POGZ: variants seen among roughly 807,000 people sequenced by gnomAD.
POGZ encodes the protein pogo transposable element with ZNF domain.
A neutral mutation model predicts 134.6 loss-of-function variants in POGZ; 17 were observed. The observed-to-expected ratio is 0.13, with a 90% CI of 0.09 to 0.19. The LOEUF (loss-of-function observed/expected upper bound fraction) is 0.19, where lower values mean the gene tolerates loss of function less well. Among genes scored for constraint, POGZ ranks in the 10% least tolerant of loss-of-function variants. The probability of loss-of-function intolerance (pLI) is 1.00; values close to 1 mark genes in which losing one functional copy is unlikely to be tolerated. For synonymous variants in POGZ, 693 were observed against 657.1 expected, an observed-to-expected ratio of 1.05 and a Z score of -0.84; for missense variants, 1,306 against 1,769.7, an observed-to-expected ratio of 0.74 and a Z score of 4.70.
chr1:151,430,931 T>G (rs1313721165), intron 3 of POGZ, 90 bp from the exon 4 acceptor site: 1 of 671,952 alleles, frequency 1.5e-6, no homozygotes, highest in African/African-American at 2.0e-5. Flanking sequence ...TTATTTTATT[T>G]TATTTTATTT....
Position 151,427,813 on chromosome 1 carries a change from G to A in POGZ, c.1078+10C>T, listed in dbSNP as rs377035291. The A allele has an allele frequency of 2.4e-4, 386 of 1,581,636 alleles. No individual in the cohort carries two copies. The highest frequency in any genetic ancestry group is 3.1e-4 in the Non-Finnish European group (357 of 1,150,904). ...TGACTGGCTGCTCAGAGTCTTTCAGGTTATTGTACCTTTCATTGAAGACTC... is the reference window on the plus strand; with the variant it reads ...TGACTGGCTGCTCAGAGTCTTTCAGATTATTGTACCTTTCATTGAAGACTC... On this transcript the variant is annotated intron_variant, in intron 7 of 18. Coordinates refer to ENST00000271715, the MANE Select transcript of POGZ (RefSeq NM_015100.4).
intron 12 of POGZ, 34 bp downstream of exon 12, chr1:151,411,591 C>G (rs777940490): frequency 7.8e-7 from 1 of 1,286,238 alleles, no homozygotes; most frequent in East Asian, 2.5e-5. Context: ...AAAAAAAAAA[C>G]AAGAGAATAT....
At chr1:151,443,202 A>C (rs2102376234) in intron 1 of POGZ, among the ~76,000 whole-genome samples, 1 of 152,246 alleles carries the variant, frequency 6.6e-6, no homozygotes, top group South Asian at 2.1e-4. Context: ...TGATGCATTA[A>C]AATGCATTTA....
In POGZ at chr1:151,425,058, G is replaced by C; in HGVS notation, c.1082C>G (p.Thr361Ser). Residue 361 changes from threonine (T) to serine (S), a missense_variant, in exon 8 of 19, where the codon ACC (threonine) becomes AGC (serine). This residue lies in a region of POGZ where 541 missense variants were observed against 680.5 expected (regional missense o/e 0.80). Transcript: ENST00000271715. The part of the protein sequence containing the change: ...TSGPESSMKV[T>S]SSIPVFDLQD... ...GAGGTCAAATACTGGGATGGAAGAG[G>C]TCACTGAAAGAAGTGAGAAGAATTG... is the stretch of plus-strand genomic sequence containing the variant. The C allele has an allele frequency of 6.7e-7, 1 of 1,494,660 alleles. No individual in the cohort carries two copies. The highest frequency in any genetic ancestry group is 9.3e-7 in the Non-Finnish European group (1 of 1,078,316). The allele number at this position is 1,494,660 out of a possible 1,614,324, so 92.6% of individuals were successfully genotyped here.
intron 10 of POGZ, among the ~76,000 whole-genome samples, chr1:151,422,780 T>C (rs1657142141): frequency 6.6e-6 from 1 of 152,172 alleles, no homozygotes; most frequent in African/African-American, 2.4e-5. Context: ...TTAGTAGAGA[T>C]GGGGCTTCGC....
At chr1:151,457,873 G>A (rs1662959141) in intron 1 of POGZ, among the ~76,000 whole-genome samples, 1 of 151,322 alleles carries the variant, frequency 6.6e-6, no homozygotes, top group African/African-American at 2.4e-5. Flanking sequence ...GTTGCAGTGA[G>A]CAGAGATCGT....
At chr1:151,430,243 A>G (rs917643648) in intron 4 of POGZ, among the ~76,000 whole-genome samples, 2 of 152,206 alleles carry the variant, frequency 1.3e-5, no homozygotes, top group African/African-American at 4.8e-5. Context: ...AACACATTAT[A>G]TATCAAATAA....
intron 1 of POGZ, among the ~76,000 whole-genome samples, chr1:151,446,041 T>C (rs1661204952): frequency 7.2e-6 from 1 of 138,348 alleles, no homozygotes; most frequent in Admixed American, 7.9e-5. Context: ...CATACCGTCT[T>C]TCAACTTTTT....
chr1:151,422,665 C>T (rs1281513561), intron 10 of POGZ, among the ~76,000 whole-genome samples: 1 of 151,898 alleles, frequency 6.6e-6, no homozygotes, highest in Admixed American at 6.6e-5. Context: ...GATCTCAGCT[C>T]ACTGCAACCT....
At chr1:151,444,684 C>T (rs1661018970) in intron 1 of POGZ, among the ~76,000 whole-genome samples, 2 of 152,118 alleles carry the variant, frequency 1.3e-5, no homozygotes, top group Admixed American at 6.5e-5. Flanking sequence ...TAATAGCATA[C>T]CCAAAAGGGT....
At chr1:151,453,909 A>G (rs1169677334) in intron 1 of POGZ, among the ~76,000 whole-genome samples, 1 of 152,224 alleles carries the variant, frequency 6.6e-6, no homozygotes, top group Non-Finnish European at 1.5e-5. Context: ...AGCAGCAAAA[A>G]GAATCCTGCA....
In POGZ at chr1:151,444,297, G is replaced by GA; in HGVS notation, c.-1-2093dup. ...ATGAAGACAATACTAGCCAGAAACT[G>GA]AATTAAAAAGAAATCAAATCCATAT... On this transcript the variant is annotated intron_variant, in intron 1 of 18. Coordinates refer to ENST00000271715, the MANE Select transcript of POGZ (RefSeq NM_015100.4). Among the ~76,000 whole-genome samples the GA allele has an allele frequency of 1.3e-5, 2 of 152,214 alleles. 1 individual carries two copies. The highest frequency in any genetic ancestry group is 2.9e-5 in the Non-Finnish European group (2 of 68,006).
chr1:151,413,792 ATCTCAGCCTCCC>A (rs1655147262), intron 10 of POGZ, among the ~76,000 whole-genome samples: 1 of 151,970 alleles, frequency 6.6e-6, no homozygotes, highest in South Asian at 2.1e-4. Context: ...CAATCCTCCC[ATCTCAGCCTCCC>A]AAAGTACCAG....
At chr1:151,444,869 A>G (rs1661045571) in intron 1 of POGZ, among the ~76,000 whole-genome samples, 1 of 152,060 alleles carries the variant, frequency 6.6e-6, no homozygotes, top group Admixed American at 6.6e-5. Context: ...TTTTTTTTAA[A>G]AATTAGCCAG....
intron 10 of POGZ, among the ~76,000 whole-genome samples, chr1:151,419,166 C>T (rs1656379122): frequency 6.6e-6 from 1 of 151,694 alleles, no homozygotes; most frequent in African/African-American, 2.4e-5. Flanking sequence ...CCAGCCTGAA[C>T]GACACGGCGA....
In POGZ at chr1:151,413,292, T is replaced by A. The variant is rs563186165; in HGVS notation, c.1679-896A>T. On this transcript the variant is annotated intron_variant, in intron 10 of 18. Coordinates refer to ENST00000271715, the MANE Select transcript of POGZ (RefSeq NM_015100.4). Reference sequence around the variant, plus strand: ...ACCATGCCCAAGTAATTAAAAAAAATTTTTTTTTGTAGGGACAGGGTCTCG... The same window carrying A: ...ACCATGCCCAAGTAATTAAAAAAAAATTTTTTTTGTAGGGACAGGGTCTCG... Among the ~76,000 whole-genome samples the A allele has an allele frequency of 2.1e-4, 32 of 150,922 alleles. No individual in the cohort carries two copies. The East Asian group carries it at 2.9e-3, about 14-fold the overall frequency.
chr1:151,454,481 G>A (rs997487113), intron 1 of POGZ, among the ~76,000 whole-genome samples: 3 of 152,106 alleles, frequency 2.0e-5, no homozygotes, highest in Admixed American at 6.6e-5. Context: ...AGAATCATAA[G>A]GGTTTTAAGT....
chr1:151,409,126 A>G (rs570516912), intron 12 of POGZ, among the ~76,000 whole-genome samples: 9 of 152,282 alleles, frequency 5.9e-5, no homozygotes, highest in African/African-American at 1.7e-4. Flanking sequence ...TATTTGTATT[A>G]TATCTTTACA....
intron 1 of POGZ, among the ~76,000 whole-genome samples, chr1:151,444,953 G>C (rs2102385121): frequency 6.6e-6 from 1 of 152,176 alleles, no homozygotes; most frequent in South Asian, 2.1e-4. Context: ...CCTGAGCCCA[G>C]GAGTTCGAGG....
Sources: allele counts gnomAD v4.1 joint callset (sites outside exome capture counted in the v4.1 genomes callset), GRCh38; gene constraint gnomAD v4.1.1; regional missense constraint gnomAD v4.1.1; transcripts MANE v1.5; gene names NCBI Gene and HGNC (gene_info 2026-07-23, HGNC 2026-07-21).